Variants in ACTL6A observed in about 807,000 individuals in gnomAD.
ACTL6A encodes actin like 6A, also known as actin-like protein 6A.
In ACTL6A, 5 loss-of-function variants were observed where a neutral mutation model predicts 59.2. That is an observed-to-expected ratio of 0.08 (90% CI 0.04 to 0.18). The LOEUF is 0.18. ACTL6A is among the 10% of genes least tolerant of loss of function. The probability of loss-of-function intolerance (pLI) is 1.00; values close to 1 mark genes in which losing one functional copy is unlikely to be tolerated. For missense variants in ACTL6A, 285 were observed against 526.9 expected, an observed-to-expected ratio of 0.54 and a Z score of 4.49; for synonymous variants, 154 against 171.8, an observed-to-expected ratio of 0.90 and a Z score of 0.81.
chr3:179,586,409 G>A, intron 12 of ACTL6A, 137 bp from the exon 13 acceptor site: 1 of 591,586 alleles, frequency 1.7e-6, no homozygotes, highest in Non-Finnish European at 2.6e-6. Context: ...CCGATTGCTT[G>A]AGTGCAAATG....
chr3:179,573,424 C>G lies in ACTL6A; in HGVS notation c.333C>G (p.Val111=). 1 of 1,589,808 alleles carries G rather than the reference C, an allele frequency of 6.3e-7. No individual in the cohort carries two copies. The highest frequency in any genetic ancestry group is 8.5e-7 in the Non-Finnish European group (1 of 1,171,232). ...TGGATCATACCTACAAAATGCATGT[C>G]AAATCAGAAGCCAGTCTCCATCCTG... ...AILDHTYKMH[V]KSEASLHPVL... The change falls in exon 4 of 14, where the codon GTC becomes GTG. Residue 111 remains valine (V), a synonymous_variant. Transcript: ENST00000429709.
intron 12 of ACTL6A, among the ~76,000 whole-genome samples, chr3:179,585,396 C>T (rs1051700958): frequency 2.6e-5 from 4 of 152,124 alleles, no homozygotes; most frequent in Admixed American, 6.5e-5. Flanking sequence ...GCCACTGCAC[C>T]GGTCTATAAT....
intron 5 of ACTL6A, 140 bp downstream of exon 5, chr3:179,574,607 C>T (rs1718111018): frequency 3.0e-6 from 2 of 675,678 alleles, no homozygotes; most frequent in Non-Finnish European, 5.3e-6. Flanking sequence ...TTTAGCTATT[C>T]ATCTTTTAGT....
intron 1 of ACTL6A, among the ~76,000 whole-genome samples, chr3:179,565,550 T>C (rs367654778): frequency 2.6e-5 from 4 of 151,706 alleles, no homozygotes; most frequent in South Asian, 2.1e-4. Context: ...AATAAAGTTA[T>C]TGATTCCGTG....
At position 179,562,954 on chromosome 3, in the gene ACTL6A, A is replaced by G. The variant is rs1717705492; in HGVS notation, c.-139A>G. 8 of 1,137,720 alleles carry G rather than the reference A, an allele frequency of 7.0e-6. No individual in the cohort carries two copies. The highest frequency in any genetic ancestry group is 1.9e-4 in the Middle Eastern group (1 of 5,198). The allele number at this position is 1,137,720 out of a possible 1,614,324, so 70.5% of individuals were successfully genotyped here. ...TGTGGCTGAGCTCCGGGGTGTGTGG[A>G]CGCCGCTTTGTTGCCTGAGGTGGGT... On this transcript the variant is annotated 5_prime_UTR_variant, in exon 1 of 14. Transcript: ENST00000429709.
intron 1 of ACTL6A, among the ~76,000 whole-genome samples, chr3:179,568,974 T>G (rs547750478): frequency 5.3e-5 from 8 of 152,358 alleles, no homozygotes; most frequent in Admixed American, 3.3e-4. Context: ...TTTGCATGTC[T>G]CCTTGCAACC....
Position 179,577,606 on chromosome 3 carries a change from C to T in ACTL6A, c.768+693C>T, listed in dbSNP as rs186912329. Among the ~76,000 whole-genome samples, 6 of 152,180 alleles carry T rather than the reference C, an allele frequency of 3.9e-5. No homozygotes were observed. In the East Asian group the frequency reaches 7.7e-4, roughly 20 times the overall value. On this transcript the variant is annotated intron_variant, in intron 8 of 13. Transcript: ENST00000429709. The stretch of plus-strand genomic sequence containing the variant: ...TGTCCCCCAGGTACTAAGCCTAGTA[C>T]CCAATAGTTATTTTTTCTGCTCCAT...
intron 1 of ACTL6A, 122 bp downstream of exon 1, chr3:179,563,239 T>TCCCCGCCCC (rs1717721694): frequency 7.2e-7 from 1 of 1,394,882 alleles, no homozygotes; most frequent in Non-Finnish European, 9.5e-7. Flanking sequence ...GACCCCGGCC[T>TCCCCGCCCC]CCCCGCCCCG....
intron 3 of ACTL6A, among the ~76,000 whole-genome samples, chr3:179,571,242 C>T (rs571531542): frequency 6.6e-6 from 1 of 151,658 alleles, no homozygotes; most frequent in Non-Finnish European, 1.5e-5. Context: ...GGCAACATGG[C>T]GAAACCCCAT....
intron 8 of ACTL6A, among the ~76,000 whole-genome samples, chr3:179,579,900 C>T (rs937342141): frequency 1.3e-5 from 2 of 152,180 alleles, no homozygotes; most frequent in Non-Finnish European, 2.9e-5. Context: ...TCAGCCTCCT[C>T]AGTAGGGAGG....
intron 1 of ACTL6A, among the ~76,000 whole-genome samples, chr3:179,566,263 A>G (rs2108352976): frequency 6.6e-6 from 1 of 152,288 alleles, no homozygotes; most frequent in South Asian, 2.1e-4. Flanking sequence ...TTGAAATTGG[A>G]ATTATCAGTA....
chr3:179,583,497 C>A, intron 12 of ACTL6A, 49 bp downstream of exon 12: 1 of 1,438,832 alleles, frequency 7.0e-7, no homozygotes, highest in Non-Finnish European at 9.7e-7. Flanking sequence ...TATATTTCCT[C>A]ACTGATGGTG....
intron 1 of ACTL6A, among the ~76,000 whole-genome samples, chr3:179,563,438 G>A (rs1717732287): frequency 6.6e-6 from 1 of 152,238 alleles, no homozygotes; most frequent in African/African-American, 2.4e-5. Context: ...CCGGCCGCCG[G>A]GCCCCGGCTT....
intron 6 of ACTL6A, 74 bp downstream of exon 6, chr3:179,576,385 T>C (rs898140508): frequency 8.8e-7 from 1 of 1,142,710 alleles, no homozygotes; most frequent in South Asian, 1.5e-5. Flanking sequence ...AATAAAATGA[T>C]GAGTAGCACT....
chr3:179,571,870 T>G (rs1171661193), intron 3 of ACTL6A, among the ~76,000 whole-genome samples: 2 of 148,342 alleles, frequency 1.3e-5, no homozygotes, highest in East Asian at 4.0e-4. Flanking sequence ...ACCCTTACCA[T>G]TTAGGGACAA....
At chr3:179,563,359 G>A (rs1717728255) in intron 1 of ACTL6A, among the ~76,000 whole-genome samples, 1 of 152,314 alleles carries the variant, frequency 6.6e-6, no homozygotes, top group South Asian at 2.1e-4. Context: ...GTCCCCGGAG[G>A]AGCAGGGTTT....
chr3:179,566,616 A>G (rs1343478697), intron 1 of ACTL6A, among the ~76,000 whole-genome samples: 7 of 150,512 alleles, frequency 4.7e-5, no homozygotes, highest in Admixed American at 2.0e-4. Context: ...GTAGATGGCC[A>G]TCTCCTCCTC....
chr3:179,578,456 A>G (rs1017548479), intron 8 of ACTL6A, among the ~76,000 whole-genome samples: 1 of 152,088 alleles, frequency 6.6e-6, no homozygotes, highest in Non-Finnish European at 1.5e-5. Flanking sequence ...TCCATTTCAA[A>G]GAAAAAGAAA....
At chr3:179,581,106 C>T (rs763420192) in intron 10 of ACTL6A, 34 bp from the exon 11 acceptor site, 1 of 1,606,662 alleles carries the variant, frequency 6.2e-7, no homozygotes. Context: ...GTATGAAGAG[C>T]TTCCATGTGA....
Sources: allele counts gnomAD v4.1 joint callset (sites outside exome capture counted in the v4.1 genomes callset), GRCh38; gene constraint gnomAD v4.1.1; transcripts MANE v1.5; gene names NCBI Gene and HGNC (gene_info 2026-07-23, HGNC 2026-07-21).